DOCK2: variants seen among roughly 807,000 people sequenced by gnomAD.
DOCK2 encodes dedicator of cytokinesis 2, also known as dedicator of cytokinesis protein 2.
Under a neutral mutation model 248.9 loss-of-function variants are expected in DOCK2, and 87 were observed. That is an observed-to-expected ratio of 0.35 (90% CI 0.29 to 0.42). DOCK2 has a LOEUF of 0.42. Ranked by LOEUF, DOCK2 falls within the 10% of genes least tolerant of loss-of-function variation. The pLI, the probability that DOCK2 is intolerant of heterozygous loss-of-function variation, is 1.00. For synonymous variants in DOCK2, 805 were observed against 821.6 expected (o/e 0.98, Z 0.35); for missense variants, 1,747 against 2,300.2 (o/e 0.76, Z 4.92).
intron 25 of DOCK2, among the ~76,000 whole-genome samples, chr5:169,780,847 T>C (rs1325278644): frequency 6.6e-6 from 1 of 152,252 alleles, no homozygotes; most frequent in Non-Finnish European, 1.5e-5. Flanking sequence ...CTAATTGATA[T>C]AAACAAGAGT....
chr5:169,925,648 G>A (rs1031686527), intron 27 of DOCK2, among the ~76,000 whole-genome samples: 3 of 149,092 alleles, frequency 2.0e-5, no homozygotes, highest in African/African-American at 7.4e-5. Context: ...GCCATTGATT[G>A]GTTGTGTGAC....
chr5:169,660,306 A>C (rs759586737), intron 2 of DOCK2, among the ~76,000 whole-genome samples: 3 of 152,256 alleles, frequency 2.0e-5, no homozygotes, highest in African/African-American at 7.2e-5. Flanking sequence ...TGCACTCCAG[A>C]CTCAGAGGCA....
At chr5:169,682,004 G>A in intron 7 of DOCK2, 125 bp downstream of exon 7, 1 of 1,327,774 alleles carries the variant, frequency 7.5e-7, no homozygotes, top group East Asian at 2.5e-5. Flanking sequence ...GACCTGAGAT[G>A]ATCAGCAACC....
intron 13 of DOCK2, among the ~76,000 whole-genome samples, chr5:169,700,943 G>A (rs892664771): frequency 2.7e-5 from 4 of 150,270 alleles, no homozygotes; most frequent in African/African-American, 9.8e-5. Flanking sequence ...AAAAGAAGGA[G>A]AGAAAGAAAG....
chr5:169,922,067 T>C (rs928959870), intron 27 of DOCK2, among the ~76,000 whole-genome samples: 1 of 152,248 alleles, frequency 6.6e-6, no homozygotes, highest in East Asian at 1.9e-4. Context: ...TCTATTCTGC[T>C]CATTTCCTTT....
intron 5 of DOCK2, among the ~76,000 whole-genome samples, chr5:169,673,440 C>A (rs942652384): frequency 5.3e-5 from 8 of 151,384 alleles, no homozygotes; most frequent in African/African-American, 1.9e-4. Flanking sequence ...CCACACTTTC[C>A]CAAATGGAAA....
chr5:169,804,423 T>A (rs1767182577), intron 26 of DOCK2, among the ~76,000 whole-genome samples: 1 of 149,508 alleles, frequency 6.7e-6, no homozygotes, highest in African/African-American at 2.5e-5. Flanking sequence ...ATATTTGGGG[T>A]ACAAGAGCTA....
intron 27 of DOCK2, among the ~76,000 whole-genome samples, chr5:169,974,980 G>C (rs931524285): frequency 5.9e-5 from 9 of 152,092 alleles, no homozygotes; most frequent in Non-Finnish European, 1.2e-4. Flanking sequence ...GACTTGAATG[G>C]CTTTAACCAG....
At chr5:170,059,370 C>G (rs1257030008) in intron 44 of DOCK2, among the ~76,000 whole-genome samples, 5 of 152,094 alleles carry the variant, frequency 3.3e-5, no homozygotes, top group Non-Finnish European at 5.9e-5. Context: ...GAATCAGAAA[C>G]TTTCTGTCAA....
chr5:169,830,836 G>A (rs567983684), intron 26 of DOCK2, among the ~76,000 whole-genome samples: 3 of 152,264 alleles, frequency 2.0e-5, no homozygotes, highest in Non-Finnish European at 2.9e-5. Context: ...TCCAGCTTGC[G>A]AGCCCCAAGG....
intron 26 of DOCK2, among the ~76,000 whole-genome samples, chr5:169,828,187 G>A (rs1033718378): frequency 6.6e-6 from 1 of 152,186 alleles, no homozygotes; most frequent in Non-Finnish European, 1.5e-5. Flanking sequence ...AGATCTACTG[G>A]TCTTTTCTGG....
At chr5:169,999,872 T>C (rs951357100) in intron 30 of DOCK2, among the ~76,000 whole-genome samples, 2 of 152,196 alleles carry the variant, frequency 1.3e-5, no homozygotes, top group African/African-American at 4.8e-5. Flanking sequence ...GAGCAGCAGG[T>C]GCAATGAGAT....
At chr5:169,902,792 G>T (rs1441516716) in intron 27 of DOCK2, among the ~76,000 whole-genome samples, 23 of 152,186 alleles carry the variant, frequency 1.5e-4, no homozygotes, top group Admixed American at 1.5e-3. Flanking sequence ...ACAGAGTAGT[G>T]AGGGAGACAT....
intron 34 of DOCK2, among the ~76,000 whole-genome samples, chr5:170,033,692 G>A (rs897501739): frequency 6.6e-6 from 1 of 152,186 alleles, no homozygotes; most frequent in African/African-American, 2.4e-5. Context: ...TCATAAAATT[G>A]TGACAGGAGG....
At chr5:169,988,367 T>A (rs1778123538) in intron 29 of DOCK2, among the ~76,000 whole-genome samples, 1 of 152,172 alleles carries the variant, frequency 6.6e-6, no homozygotes, top group African/African-American at 2.4e-5. Flanking sequence ...GTAGAACAAC[T>A]ATAATCCACG....
chr5:169,954,222 G>A (rs1416927906), intron 27 of DOCK2, among the ~76,000 whole-genome samples: 1 of 152,216 alleles, frequency 6.6e-6, no homozygotes. Context: ...CTAACTCATG[G>A]CTATGAAGCC....
At chr5:169,848,342 C>A (rs1452669694) in intron 27 of DOCK2, among the ~76,000 whole-genome samples, 16 of 152,202 alleles carry the variant, frequency 1.1e-4, no homozygotes. Flanking sequence ...GGATGTGAAC[C>A]AGGGACACCA....
At chr5:170,019,997 A>G (rs1427865169) in intron 33 of DOCK2, among the ~76,000 whole-genome samples, 18 of 152,208 alleles carry the variant, frequency 1.2e-4, no homozygotes, top group Admixed American at 1.2e-3. Flanking sequence ...AAGGCAGCAG[A>G]TTCCAAACTG....
Position 169,654,479 on chromosome 5 carries a change from G to T in DOCK2, c.120G>T (p.Thr40=), listed in dbSNP as rs531692992. Residue 40 remains threonine, a synonymous_variant, in exon 2 of 52, where the codon ACG becomes ACT. Transcript: ENST00000520908. ...QIGDVVRIQE[T]CGDWYRGYLI... is the part of the protein sequence containing the mutation. ...GCGATGTGGTGCGAATACAGGAGAC[G>T]TGTGGAGGTGAGTCACTGGCCCACG... The T allele has an allele frequency of 6.2e-6, 10 of 1,614,144 alleles. No individual in the cohort carries two copies. Among genetic ancestry groups the T allele is most frequent in the Non-Finnish European group, 8.5e-6 (10 of 1,180,028 alleles).
Sources: allele counts gnomAD v4.1 joint callset (sites outside exome capture counted in the v4.1 genomes callset), GRCh38; gene constraint gnomAD v4.1.1; transcripts MANE v1.5; gene names NCBI Gene and HGNC (gene_info 2026-07-23, HGNC 2026-07-21).